Variants in PACRG observed in about 807,000 individuals in gnomAD.
PACRG encodes the protein parkin coregulated gene protein.
Under a neutral mutation model 29.7 loss-of-function variants are expected in PACRG, and 29 were observed. The observed-to-expected ratio is 0.98, with a 90% CI of 0.73 to 1.33. PACRG has a LOEUF of 1.33. Among genes scored for constraint, PACRG ranks in the 40% most tolerant of loss-of-function variants. The probability of loss-of-function intolerance (pLI) is 0.00; values close to 1 mark genes in which losing one functional copy is unlikely to be tolerated. For synonymous variants in PACRG, 116 were observed against 118.7 expected, an observed-to-expected ratio of 0.98 and a Z score of 0.15; for missense variants, 279 against 316.2, an observed-to-expected ratio of 0.88 and a Z score of 0.89.
At chr6:162,745,513 C>T (rs1262779137) in intron 1 of PACRG, among the ~76,000 whole-genome samples, 3 of 152,028 alleles carry the variant, frequency 2.0e-5, no homozygotes, top group Non-Finnish European at 2.9e-5. Context: ...AACAAACCTG[C>T]TTGTTCTGCA....
At chr6:162,962,136 A>G (rs182635273) in intron 2 of PACRG, among the ~76,000 whole-genome samples, 1 of 152,110 alleles carries the variant, frequency 6.6e-6, no homozygotes, top group African/African-American at 2.4e-5. Flanking sequence ...TACCTCATTT[A>G]ACCTCTGACA....
intron 3 of PACRG, among the ~76,000 whole-genome samples, chr6:163,069,289 A>G (rs1286288100): frequency 6.6e-6 from 1 of 151,544 alleles, no homozygotes; most frequent in Non-Finnish European, 1.5e-5. Flanking sequence ...ACTCACCAAA[A>G]AAAAAAAAAA....
intron 3 of PACRG, among the ~76,000 whole-genome samples, chr6:163,081,858 T>C (rs1434492650): frequency 2.0e-5 from 3 of 152,138 alleles, no homozygotes; most frequent in African/African-American, 7.2e-5. Flanking sequence ...ATAAAAAAAC[T>C]AACATGCCTG....
At chr6:162,958,347 A>AT (rs1435522314) in intron 2 of PACRG, among the ~76,000 whole-genome samples, 10 of 152,244 alleles carry the variant, frequency 6.6e-5, no homozygotes, top group South Asian at 4.1e-4. Flanking sequence ...TCAGATAAGG[A>AT]TTTTTTACAG....
intron 2 of PACRG, among the ~76,000 whole-genome samples, chr6:162,836,353 G>GT (rs1246693061): frequency 6.6e-6 from 1 of 152,088 alleles, no homozygotes; most frequent in African/African-American, 2.4e-5. Context: ...CTTCAGGGAA[G>GT]CAGAAGCCTC....
At chr6:162,976,975 C>A (rs980782444) in intron 2 of PACRG, among the ~76,000 whole-genome samples, 1 of 151,844 alleles carries the variant, frequency 6.6e-6, no homozygotes, top group Non-Finnish European at 1.5e-5. Context: ...GGGTAAAATA[C>A]CACAAAAATA....
chr6:162,809,656 T>G (rs1284784010), intron 1 of PACRG, among the ~76,000 whole-genome samples: 1 of 152,094 alleles, frequency 6.6e-6, no homozygotes, highest in East Asian at 1.9e-4. Flanking sequence ...AAAAGAGAAA[T>G]TGATTTTTTG....
chr6:163,062,114 G>C, intron 2 of PACRG, 36 bp from the exon 3 acceptor site: 1 of 1,608,154 alleles, frequency 6.2e-7, no homozygotes, highest in Non-Finnish European at 8.5e-7. Context: ...CCCGAATGCT[G>C]TTTTCACATG....
Position 163,315,219 on chromosome 6 carries a change from G to T in PACRG, c.*232G>T. The T allele has an allele frequency of 2.4e-6, 1 of 415,268 alleles. No homozygotes were observed. Among genetic ancestry groups the T allele is most frequent in the Non-Finnish European group, 4.2e-6 (1 of 238,454 alleles). 25.7% of individuals were successfully genotyped at this position (415,268 alleles called of 1,614,324 possible). A position where few individuals can be genotyped will look rare whatever the true frequency, so the allele number is the denominator to read the frequency against. Reference sequence around the variant, plus strand: ...TGTACTGTGCTTATTTGTTCTAAGAGAAGAATTGCTTCTTTATACAGCTCC... The same window carrying T: ...TGTACTGTGCTTATTTGTTCTAAGATAAGAATTGCTTCTTTATACAGCTCC... On this transcript the variant is annotated 3_prime_UTR_variant, in exon 5 of 5. Transcript: ENST00000366888.
At chr6:162,855,638 C>T (rs1791325057) in intron 2 of PACRG, among the ~76,000 whole-genome samples, 1 of 152,162 alleles carries the variant, frequency 6.6e-6, no homozygotes, top group South Asian at 2.1e-4. Context: ...AAGAAGCTCT[C>T]CTGTCAATTT....
In PACRG at chr6:162,862,708, G is replaced by A. The variant is rs386469765; in HGVS notation, c.291+48427G>A. Among the ~76,000 whole-genome samples the A allele has an allele frequency of 2.3e-3, 348 of 152,208 alleles. 1 individual carries two copies. The highest frequency in any genetic ancestry group is 3.8e-3 in the Non-Finnish European group (261 of 68,014). ...GTTTCTCAACCCTCATCCATAACAC[G>A]ATGCTGTAAACCCTAGAGTAAGACA... On this transcript the variant is annotated intron_variant, in intron 2 of 4. Coordinates refer to ENST00000366888, the MANE Select transcript of PACRG (RefSeq NM_001080379.2).
chr6:162,964,641 G>A (rs1486904002), intron 2 of PACRG, among the ~76,000 whole-genome samples: 1 of 152,176 alleles, frequency 6.6e-6, no homozygotes, highest in South Asian at 2.1e-4. Context: ...ACATGAATGC[G>A]TTAGGAGGCT....
intron 2 of PACRG, among the ~76,000 whole-genome samples, chr6:163,047,473 ATTTC>A (rs935422052): frequency 1.2e-4 from 19 of 152,194 alleles, no homozygotes; most frequent in Non-Finnish European, 1.8e-4. Context: ...ACAAGGGATT[ATTTC>A]TTTCTTATTT....
chr6:162,915,944 A>G (rs1333090414), intron 2 of PACRG, among the ~76,000 whole-genome samples: 1 of 152,162 alleles, frequency 6.6e-6, no homozygotes, highest in Non-Finnish European at 1.5e-5. Flanking sequence ...CTTAAGAGGA[A>G]AGCACAGTTT....
intron 4 of PACRG, among the ~76,000 whole-genome samples, chr6:163,257,545 G>A (rs748080715): frequency 6.6e-6 from 1 of 152,058 alleles, no homozygotes; most frequent in Non-Finnish European, 1.5e-5. Context: ...ATCAAACTAC[G>A]TTCATTGCTG....
intron 1 of PACRG, among the ~76,000 whole-genome samples, chr6:162,804,015 T>C (rs1786103014): frequency 6.6e-6 from 1 of 152,092 alleles, no homozygotes; most frequent in Non-Finnish European, 1.5e-5. Context: ...AGCTATTAAA[T>C]ACAAAATTTT....
At chr6:162,951,340 C>T (rs1259583770) in intron 2 of PACRG, among the ~76,000 whole-genome samples, 2 of 152,216 alleles carry the variant, frequency 1.3e-5, no homozygotes, top group Non-Finnish European at 1.5e-5. Flanking sequence ...TATGACTGAT[C>T]AATATAGCTG....
chr6:163,283,048 T>C (rs962036925), intron 4 of PACRG, among the ~76,000 whole-genome samples: 4 of 152,268 alleles, frequency 2.6e-5, no homozygotes, highest in East Asian at 1.9e-4. Flanking sequence ...TTTGTGTATG[T>C]ATAATTTAAA....
intron 4 of PACRG, chr6:163,310,249 G>T (rs535650254): frequency 6.6e-6 from 1 of 152,096 alleles, no homozygotes; most frequent in Non-Finnish European, 1.5e-5. Flanking sequence ...ACAACAAACC[G>T]TTCAGAGTTC....
Sources: allele counts gnomAD v4.1 joint callset (sites outside exome capture counted in the v4.1 genomes callset), GRCh38; gene constraint gnomAD v4.1.1; transcripts MANE v1.5; gene names NCBI Gene and HGNC (gene_info 2026-07-23, HGNC 2026-07-21).